The following AUTS2 variants were observed in gnomAD, a reference collection of about 807,000 sequenced individuals.
AUTS2 encodes activator of transcription and developmental regulator AUTS2, also known as autism susceptibility gene 2 protein.
AUTS2 carries 17 observed loss-of-function variants against 112.4 expected under a neutral mutation model. The observed-to-expected ratio is 0.15, with a 90% CI of 0.10 to 0.23. The LOEUF (loss-of-function observed/expected upper bound fraction) is 0.23. AUTS2 is among the 10% of genes least tolerant of loss of function. AUTS2 has a pLI of 1.00. For synonymous variants in AUTS2, 751 were observed against 702.7 expected, an observed-to-expected ratio of 1.07 and a Z score of -1.09; for missense variants, 1,510 against 1,701.6, an observed-to-expected ratio of 0.89 and a Z score of 1.98.
chr7:70,118,586 C>G (rs1455494342), intron 3 of AUTS2: 1 of 163,478 alleles, frequency 6.1e-6, no homozygotes, highest in Non-Finnish European at 1.3e-5. Context: ...TGAGACCAGC[C>G]TGACCAGCAT....
intron 2 of AUTS2, among the ~76,000 whole-genome samples, chr7:70,030,129 A>G (rs1391401236): frequency 6.6e-6 from 1 of 152,226 alleles, no homozygotes; most frequent in Non-Finnish European, 1.5e-5. Context: ...GAATGAGACT[A>G]CCATGATTGG....
At chr7:70,163,344 T>TGGGGGGGGGGGGGG (rs869280939) in intron 4 of AUTS2, among the ~76,000 whole-genome samples, 1 of 2,794 alleles carries the variant, frequency 3.6e-4, no homozygotes, top group Non-Finnish European at 1.4e-3. Flanking sequence ...GTTGTGGTGG[T>TGGGGGGGGGGGGGG]GGGGGGGGGG....
rs77292446 is a variant in AUTS2, at chr7:69,914,859, C to T, written c.522+15361C>T. ...CACTGAAAAATTATTGTCCCACGTG[C>T]CCTCGGTTTAAAATGTTTTGATCTT... On this transcript the variant is annotated intron_variant, in intron 2 of 18. Transcript: ENST00000342771. Among the ~76,000 whole-genome samples the T allele has an allele frequency of 6.2e-3, 936 of 152,096 alleles. 7 individuals are homozygous for T. Among genetic ancestry groups the T allele is most frequent in the African/African-American group, 0.021 (875 of 41,482 alleles).
rs1350143010 is a variant in AUTS2 at position 70,789,822 on chromosome 7, C to A, written c.2606C>A (p.Thr869Asn). 1.4e-5 allele frequency: 22 copies of A among 1,614,072 alleles called. No homozygotes were observed. The highest frequency in any genetic ancestry group is 1.8e-5 in the Non-Finnish European group (21 of 1,180,040). The change falls in exon 19 of 19, where the codon ACC (threonine) becomes AAC (asparagine). Residue 869 changes from threonine to asparagine, a missense_variant. This residue lies in a region of AUTS2 where 788 missense variants were observed against 797.6 expected (regional missense o/e 0.99). Transcript: ENST00000342771. ...CTCCCGGTGAATGCCCTGGGACATACCCGCAGCTCCACTGAACAGATCCGG... is the reference window on the plus strand; with the variant it reads ...CTCCCGGTGAATGCCCTGGGACATAACCGCAGCTCCACTGAACAGATCCGG... ...PVLPVNALGH[T>N]RSSTEQIRAH...
intron 6 of AUTS2, among the ~76,000 whole-genome samples, chr7:70,755,148 C>G (rs1195513037): frequency 6.6e-6 from 1 of 152,164 alleles, no homozygotes; most frequent in Non-Finnish European, 1.5e-5. Context: ...CTGATGTGTG[C>G]CTGTAGTCCC....
chr7:69,659,583 G>GTTTTTTTTTTTTTTTTTTTTTTTTTT (rs58289887), intron 1 of AUTS2, among the ~76,000 whole-genome samples: 4 of 81,268 alleles, frequency 4.9e-5, no homozygotes, highest in Non-Finnish European at 8.7e-5. Context: ...AGGCTTAGTT[G>GTTTTTTTTTTTTTTTTTTTTTTTTTT]TTTTTTTTTT....
At chr7:70,601,637 G>A (rs1803475752) in intron 5 of AUTS2, among the ~76,000 whole-genome samples, 1 of 152,194 alleles carries the variant, frequency 6.6e-6, no homozygotes, top group African/African-American at 2.4e-5. Flanking sequence ...TGTGGCGGCT[G>A]CAGACTGCTG....
chr7:69,611,948 A>AAAAAAT (rs1793062222), intron 1 of AUTS2, among the ~76,000 whole-genome samples: 1 of 151,348 alleles, frequency 6.6e-6, no homozygotes, highest in Non-Finnish European at 1.5e-5. Flanking sequence ...AAAAAAAAAA[A>AAAAAAT]AAAAAAAAAT....
At chr7:69,752,197 T>A (rs954536424) in intron 1 of AUTS2, among the ~76,000 whole-genome samples, 1 of 152,224 alleles carries the variant, frequency 6.6e-6, no homozygotes, top group Non-Finnish European at 1.5e-5. Flanking sequence ...TTTGGACCAC[T>A]GGGAGAGTCA....
At chr7:69,631,218 G>T (rs1450948608) in intron 1 of AUTS2, among the ~76,000 whole-genome samples, 1 of 151,888 alleles carries the variant, frequency 6.6e-6, no homozygotes, top group Admixed American at 6.6e-5. Context: ...TCTCCAAGGG[G>T]TCAGTGACCC....
chr7:69,620,667 A>G (rs1277080205), intron 1 of AUTS2, among the ~76,000 whole-genome samples: 1 of 152,240 alleles, frequency 6.6e-6, no homozygotes, highest in Non-Finnish European at 1.5e-5. Context: ...CATCTAAAAT[A>G]CTAAAAAAGC....
intron 14 of AUTS2, 165 bp from the exon 15 acceptor site, chr7:70,781,450 C>A: frequency 2.7e-6 from 2 of 727,844 alleles, no homozygotes; most frequent in Non-Finnish European, 4.3e-6. Context: ...GCCTGCAGAT[C>A]TGACATTTGA....
intron 1 of AUTS2, among the ~76,000 whole-genome samples, chr7:69,746,819 C>T (rs1180924297): frequency 6.6e-6 from 1 of 152,044 alleles, no homozygotes; most frequent in African/African-American, 2.4e-5. Context: ...TAAGAAGACT[C>T]TGACCATTGT....
intron 1 of AUTS2, among the ~76,000 whole-genome samples, chr7:69,656,443 T>C (rs912275822): frequency 3.3e-5 from 5 of 152,262 alleles, no homozygotes; most frequent in Non-Finnish European, 5.9e-5. Context: ...CATTTCAAAA[T>C]TGTTTAATTT....
At chr7:70,577,916 C>T (rs754426225) in intron 5 of AUTS2, among the ~76,000 whole-genome samples, 9 of 151,880 alleles carry the variant, frequency 5.9e-5, no homozygotes, top group East Asian at 1.9e-4. Context: ...CTGCAAGCTC[C>T]GCCTCCCAGG....
chr7:70,557,254 C>T (rs1032613828), intron 5 of AUTS2, among the ~76,000 whole-genome samples: 7 of 152,152 alleles, frequency 4.6e-5, no homozygotes, highest in Admixed American at 4.6e-4. Context: ...GTTCTTTTCC[C>T]TGCTGGCTAG....
intron 1 of AUTS2, among the ~76,000 whole-genome samples, chr7:69,619,621 G>A (rs766883107): frequency 4.0e-5 from 6 of 151,628 alleles, no homozygotes; most frequent in Non-Finnish European, 8.8e-5. Context: ...TCAATTATGT[G>A]TTATGTGTGG....
intron 2 of AUTS2, among the ~76,000 whole-genome samples, chr7:70,015,375 G>A (rs993512721): frequency 3.9e-5 from 6 of 152,106 alleles, no homozygotes; most frequent in African/African-American, 1.2e-4. Flanking sequence ...TTTTACAGAT[G>A]CCAAAACAAA....
intron 1 of AUTS2, among the ~76,000 whole-genome samples, chr7:69,700,480 TGTGG>T (rs1340394323): frequency 2.0e-5 from 3 of 152,160 alleles, no homozygotes; most frequent in African/African-American, 7.2e-5. Context: ...CCTGGAATTC[TGTGG>T]CTTGTCATAG....
Sources: allele counts gnomAD v4.1 joint callset (sites outside exome capture counted in the v4.1 genomes callset), GRCh38; gene constraint gnomAD v4.1.1; regional missense constraint gnomAD v4.1.1; transcripts MANE v1.5; gene names NCBI Gene and HGNC (gene_info 2026-07-23, HGNC 2026-07-21).